The following RIF1 variants were observed in gnomAD, a reference collection of about 807,000 sequenced individuals.
The protein encoded by RIF1 is telomere-associated protein RIF1.
A neutral mutation model predicts 247.1 loss-of-function variants in RIF1; 45 were observed. That is an observed-to-expected ratio of 0.18 (90% CI 0.14 to 0.23). The LOEUF (loss-of-function observed/expected upper bound fraction) is 0.23. Ranked by LOEUF, RIF1 falls within the 10% of genes least tolerant of loss-of-function variation. The probability of loss-of-function intolerance (pLI) is 1.00; values close to 1 mark genes in which losing one functional copy is unlikely to be tolerated. For missense variants in RIF1, 2,967 were observed against 2,862.5 expected (o/e 1.04, Z -0.83); for synonymous variants, 1,087 against 978.8 (o/e 1.11, Z -2.06).
At chr2:151,508,114 G>C (rs2070777706), downstream of RIF1, 3 of 1,587,980 alleles carry the variant, frequency 1.9e-6, no homozygotes. Flanking sequence ...CTTTTTCTGG[G>C]AATAGATTCC....
chr2:151,412,449 T>C (rs1362338366), intron 3 of RIF1, among the ~76,000 whole-genome samples: 2 of 152,136 alleles, frequency 1.3e-5, no homozygotes, highest in Admixed American at 1.3e-4. Flanking sequence ...GCCTCCTTAG[T>C]AGCTGAGATT....
At chr2:151,499,594 T>A in intron 11 of RIF1, 1 of 400,678 alleles carries the variant, frequency 2.5e-6, no homozygotes, top group Non-Finnish European at 4.5e-6. Context: ...TTGATATTCA[T>A]CATCTTTTTA....
chr2:151,448,608 T>C (rs1422780933), intron 20 of RIF1, among the ~76,000 whole-genome samples: 1 of 152,208 alleles, frequency 6.6e-6, no homozygotes, highest in Non-Finnish European at 1.5e-5. Flanking sequence ...CTGAGCTCCT[T>C]ACACTACCCA....
chr2:151,420,470 G>C, intron 7 of RIF1, 91 bp downstream of exon 7: 1 of 1,255,426 alleles, frequency 8.0e-7, no homozygotes, highest in Non-Finnish European at 1.1e-6. Flanking sequence ...CAGGTACGGT[G>C]GCTCTCACCT....
intron 32 of RIF1, 25 bp from the exon 33 acceptor site, chr2:151,468,616 A>C: frequency 6.2e-7 from 1 of 1,607,636 alleles, no homozygotes; most frequent in South Asian, 1.1e-5. Flanking sequence ...ACCTCTGTGT[A>C]ACAGCTTCTG....
intron 20 of RIF1, among the ~76,000 whole-genome samples, chr2:151,450,929 T>C (rs894823430): frequency 2.6e-5 from 4 of 152,202 alleles, no homozygotes; most frequent in African/African-American, 9.6e-5. Context: ...TAGTGAAAAC[T>C]TTTACTTCAT....
Position 151,438,783 on chromosome 2 carries a change from A to C in RIF1, c.1546+37A>C, listed in dbSNP as rs139203908. On this transcript the variant is annotated intron_variant, in intron 14 of 35. Coordinates refer to ENST00000444746, the MANE Select transcript of RIF1 (RefSeq NM_018151.5). Reference sequence around the variant, plus strand: ...TACACTGATCAAATGTTGTTTTTTGAAACAGGTGGTGATCAGATGATTTTT... The same window carrying C: ...TACACTGATCAAATGTTGTTTTTTGCAACAGGTGGTGATCAGATGATTTTT... 394 of 1,293,510 alleles carry C rather than the reference A, an allele frequency of 3.0e-4. 1 individual carries two copies. The African/African-American group carries it at 5.0e-3, about 16-fold the overall frequency. 80.1% of individuals were successfully genotyped at this position (1,293,510 alleles called of 1,614,324 possible).
At position 151,457,744 on chromosome 2, in the gene RIF1, T is replaced by A. The variant is rs1045297739; in HGVS notation, c.2653-17T>A. 1 of 1,595,402 alleles carries A rather than the reference T, an allele frequency of 6.3e-7. No homozygotes were observed. The highest frequency in any genetic ancestry group is 1.3e-5 in the African/African-American group (1 of 74,402). ...TATTTAGTATATGTTTTGCTTTTAT[T>A]TTTTCGTTTTTCCTAGTTAGAAAAG... On this transcript the variant is annotated splice_polypyrimidine_tract_variant and intron_variant, in intron 23 of 35. Coordinates refer to ENST00000444746, the MANE Select transcript of RIF1 (RefSeq NM_018151.5).
intron 11 of RIF1, chr2:151,503,014 T>C: frequency 1.6e-6 from 1 of 627,582 alleles, no homozygotes; most frequent in Non-Finnish European, 2.8e-6. Flanking sequence ...GTAAGGATAA[T>C]GTTTTTACTT....
exon 14 of RIF1, chr2:151,507,912 A>G: frequency 1.2e-6 from 1 of 845,858 alleles, no homozygotes; most frequent in Non-Finnish European, 2.0e-6. Context: ...GGGCTGCACA[A>G]CAGCCCCACT....
chr2:151,427,928 G>C (rs113909414), intron 8 of RIF1, among the ~76,000 whole-genome samples: 2 of 152,000 alleles, frequency 1.3e-5, no homozygotes, highest in South Asian at 4.1e-4. Context: ...ATGGTGGCAC[G>C]CACCTATAAT....
Position 151,475,073 on chromosome 2 carries a change from A to G in RIF1, c.*2A>G, listed in dbSNP as rs774974911. The G allele has an allele frequency of 6.3e-7, 1 of 1,594,130 alleles. No individual in the cohort carries two copies. Among genetic ancestry groups the G allele is most frequent in the Non-Finnish European group, 8.6e-7 (1 of 1,162,900 alleles). ...CCATCCCATGAAAATTCTATTTAGT[A>G]TTTTCAGAGAAAATTGAAGGTTTTT... is the stretch of plus-strand genomic sequence containing the variant. On this transcript the variant is annotated 3_prime_UTR_variant, in exon 36 of 36. Coordinates refer to ENST00000444746, the MANE Select transcript of RIF1 (RefSeq NM_018151.5).
At chr2:151,453,579 CAAAAA>C (rs59661470) in intron 21 of RIF1, among the ~76,000 whole-genome samples, 1 of 72,920 alleles carries the variant, frequency 1.4e-5, no homozygotes, top group African/African-American at 5.6e-5. Flanking sequence ...GACTCTGTCT[CAAAAA>C]AAAAAAAAAA....
the RIF1 span, among the ~76,000 whole-genome samples, chr2:151,515,627 T>C: frequency 1.3e-5 from 2 of 152,228 alleles, no homozygotes; most frequent in African/African-American, 2.4e-5. Flanking sequence ...GTCTCCAGAC[T>C]TAGCTGACTC....
At chr2:151,431,277 T>G (rs894426166) in intron 9 of RIF1, among the ~76,000 whole-genome samples, 2 of 152,168 alleles carry the variant, frequency 1.3e-5, no homozygotes, top group African/African-American at 4.8e-5. Context: ...CTTCACAGCT[T>G]ACTCACCTAT....
chr2:151,473,835 T>C lies in RIF1; in HGVS notation c.7096-129T>C, dbSNP rs897382021. 1.4e-5 allele frequency: 9 copies of C among 657,280 alleles called. No individual in the cohort carries two copies. The East Asian group carries it at 2.6e-4, about 19-fold the overall frequency. 40.7% of individuals were successfully genotyped at this position (657,280 alleles called of 1,614,324 possible). On this transcript the variant is annotated intron_variant, in intron 34 of 35. Coordinates refer to ENST00000444746, the MANE Select transcript of RIF1 (RefSeq NM_018151.5). ...TCTTAGCAGTATTAGCTCTTAATTG[T>C]GATGGGTGGTAGAACATAGGTTCTA...
At chr2:151,430,907 G>C (rs1421331068) in intron 9 of RIF1, among the ~76,000 whole-genome samples, 2 of 152,300 alleles carry the variant, frequency 1.3e-5, no homozygotes, top group Non-Finnish European at 2.9e-5. Context: ...ACCTGCCTCA[G>C]CCTTCCAAAG....
rs1037393973 is a variant in RIF1, at chr2:151,464,131, A to G, written c.4611A>G (p.Gln1537=). The change falls in exon 30 of 36, where the codon CAA becomes CAG. Residue 1537 remains glutamine (Q), a synonymous_variant. Transcript: ENST00000444746. ...TAGTCAGAGGCCGAACACGGTATCAAACTAGAAGAGCATCTCAGGGTTTGC... is the reference window on the plus strand; with the variant it reads ...TAGTCAGAGGCCGAACACGGTATCAGACTAGAAGAGCATCTCAGGGTTTGC... The part of the protein sequence containing the change: ...EKLVRGRTRY[Q]TRRASQGLLS... 4 of 1,611,386 alleles carry G rather than the reference A, an allele frequency of 2.5e-6. No individual in the cohort carries two copies. In the African/African-American group the frequency reaches 5.4e-5, roughly 22 times the overall value.
intron 8 of RIF1, among the ~76,000 whole-genome samples, chr2:151,427,546 T>C (rs531271682): frequency 5.9e-5 from 9 of 151,818 alleles, no homozygotes; most frequent in East Asian, 1.9e-4. Flanking sequence ...TGTTTTTTTT[T>C]CTCCTGAGCT....
Sources: allele counts gnomAD v4.1 joint callset (sites outside exome capture counted in the v4.1 genomes callset), GRCh38; gene constraint gnomAD v4.1.1; transcripts MANE v1.5; gene names NCBI Gene and HGNC (gene_info 2026-07-23, HGNC 2026-07-21).